The following BRDT variants were observed in gnomAD, a reference collection of about 807,000 sequenced individuals.
BRDT encodes the protein bromodomain testis-specific protein.
In BRDT, 77 loss-of-function variants were observed where a neutral mutation model predicts 113.9. The ratio of observed to expected loss-of-function variants is 0.68; its 90% CI spans 0.56 to 0.82. The LOEUF is 0.82. Ranked by LOEUF, BRDT falls within the 40% of genes least tolerant of loss-of-function variation. The pLI is 0.00. For synonymous variants in BRDT, 358 were observed against 366.5 expected, an observed-to-expected ratio of 0.98 and a Z score of 0.26; for missense variants, 1,027 against 1,105.4, an observed-to-expected ratio of 0.93 and a Z score of 1.01.
At chr1:91,985,927 C>T (rs999372804) in intron 12 of BRDT, among the ~76,000 whole-genome samples, 3 of 152,150 alleles carry the variant, frequency 2.0e-5, no homozygotes, top group Non-Finnish European at 2.9e-5. Context: ...CGTGAGCCAC[C>T]GCGCCCGGCC....
chr1:91,985,663 G>A (rs1351846141), intron 12 of BRDT, among the ~76,000 whole-genome samples: 1 of 101,798 alleles, frequency 9.8e-6, no homozygotes, highest in Non-Finnish European at 1.9e-5. Context: ...TTTTTGAGAC[G>A]GAGTCTGCTC....
chr1:92,007,248 G>GT (rs1444680904), intron 18 of BRDT, among the ~76,000 whole-genome samples: 1 of 149,566 alleles, frequency 6.7e-6, no homozygotes, highest in Non-Finnish European at 1.5e-5. Flanking sequence ...GTTAACTTTT[G>GT]TTTTAGGTTC....
At chr1:91,952,626 G>A (rs1681221743) in intron 1 of BRDT, among the ~76,000 whole-genome samples, 2 of 152,022 alleles carry the variant, frequency 1.3e-5, no homozygotes, top group Non-Finnish European at 2.9e-5. Flanking sequence ...AGAAAAGATG[G>A]ACCAGGCCAT....
chr1:91,981,301 A>G lies in BRDT; in HGVS notation c.1784A>G (p.His595Arg). 6.2e-7 allele frequency: 1 copy of G among 1,614,168 alleles called. No individual in the cohort carries two copies. The highest frequency in any genetic ancestry group is 8.5e-7 in the Non-Finnish European group (1 of 1,180,010). The change falls in exon 11 of 19, where the codon CAC (histidine) becomes CGC (arginine). Residue 595 changes from histidine to arginine, a missense_variant. Transcript: ENST00000399546. ...ATAATGATGTCCAAAGAAGAACTTC[A>G]CTCACAGAAAAAACAGGAATTGGAA... is the stretch of plus-strand genomic sequence containing the variant. Reference protein sequence around the residue: ...KKIMMSKEELHSQKKQELEKR... With the variant: ...KKIMMSKEELRSQKKQELEKR...
intron 12 of BRDT, among the ~76,000 whole-genome samples, chr1:91,989,183 T>C (rs1685550785): frequency 8.1e-6 from 1 of 122,870 alleles, no homozygotes; most frequent in African/African-American, 3.4e-5. Flanking sequence ...TTTTTTTTAG[T>C]AGAACACCAA....
chr1:91,974,344 A>C (rs1191453441), intron 4 of BRDT, among the ~76,000 whole-genome samples: 1 of 152,264 alleles, frequency 6.6e-6, no homozygotes, highest in Non-Finnish European at 1.5e-5. Context: ...CAGAGTGAAC[A>C]GGCAACCTAC....
intron 10 of BRDT, 29 bp downstream of exon 10, chr1:91,981,207 C>T (rs376484719): frequency 1.5e-5 from 24 of 1,606,502 alleles, no homozygotes; most frequent in African/African-American, 6.7e-5. Context: ...TAATAGAAAT[C>T]GGTTTGGTAT....
intron 11 of BRDT, 86 bp from the exon 12 acceptor site, chr1:91,981,532 C>A: frequency 6.4e-7 from 1 of 1,571,538 alleles, no homozygotes; most frequent in Non-Finnish European, 8.7e-7. Flanking sequence ...GCATGCGCGA[C>A]CATGCCCAGC....
chr1:91,990,398 T>C (rs933755391), intron 12 of BRDT, among the ~76,000 whole-genome samples: 3 of 152,252 alleles, frequency 2.0e-5, no homozygotes, highest in South Asian at 2.1e-4. Flanking sequence ...AATAAAAGAC[T>C]GTATCCTCTC....
In BRDT at chr1:91,964,903, GTA is replaced by G. The variant is rs1553185861; in HGVS notation, c.330+144_330+145del. On this transcript the variant is annotated intron_variant, in intron 3 of 18. Transcript: ENST00000399546. ...CGTGTGTGTGTGTGTGTGTGTGTGT[GTA>G]TATAATTTTTTTTTTTTTTTTTGAG... is the stretch of plus-strand genomic sequence containing the variant. 1.2e-3 allele frequency: 376 copies of G among 302,312 alleles called. 1 individual carries two copies. The highest frequency in any genetic ancestry group is 1.9e-3 in the South Asian group (13 of 6,988). The allele number at this position is 302,312 out of a possible 1,614,324, so 18.7% of individuals were successfully genotyped here. A position where few individuals can be genotyped will look rare whatever the true frequency, so the allele number is the denominator to read the frequency against.
intron 1 of BRDT, among the ~76,000 whole-genome samples, chr1:91,960,820 C>T (rs1025448425): frequency 2.0e-5 from 3 of 152,150 alleles, no homozygotes; most frequent in Non-Finnish European, 4.4e-5. Context: ...CAACTTATTT[C>T]ATTTTCATTT....
intron 18 of BRDT, among the ~76,000 whole-genome samples, chr1:92,008,943 CAT>C (rs1487044609): frequency 6.6e-6 from 1 of 152,154 alleles, no homozygotes; most frequent in Non-Finnish European, 1.5e-5. Flanking sequence ...ATCAAACTAA[CAT>C]GTATCACCTC....
At chr1:91,976,575 T>C in intron 5 of BRDT, 137 bp downstream of exon 5, 1 of 837,538 alleles carries the variant, frequency 1.2e-6, no homozygotes, top group Non-Finnish European at 1.7e-6. Context: ...GAAATAATAC[T>C]GTTTCCGCCT....
intron 12 of BRDT, among the ~76,000 whole-genome samples, chr1:91,990,601 A>G (rs981552944): frequency 6.6e-6 from 1 of 152,204 alleles, no homozygotes; most frequent in African/African-American, 2.4e-5. Context: ...GTTATGTAAC[A>G]TACTGCGCTT....
At chr1:91,968,038 C>T (rs7541712) in intron 3 of BRDT, 108 bp from the exon 4 acceptor site, 82,121 of 1,004,402 alleles carry the variant, frequency 0.082, 6,016 homozygotes, top group East Asian at 0.41. Flanking sequence ...AGATGAATAC[C>T]GTCTAGGAGT....
chr1:91,969,115 T>G (rs1335373201), intron 4 of BRDT, among the ~76,000 whole-genome samples: 1 of 151,872 alleles, frequency 6.6e-6, no homozygotes, highest in Non-Finnish European at 1.5e-5. Context: ...TTTTTGTATT[T>G]TTTTTTAGTA....
At chr1:91,994,346 A>G (rs1186820585) in intron 15 of BRDT, 92 bp downstream of exon 15, 1 of 1,050,434 alleles carries the variant, frequency 9.5e-7, no homozygotes, top group African/African-American at 1.6e-5. Flanking sequence ...TAAATGTTAA[A>G]TATCTGGGAA....
At chr1:91,985,880 C>T (rs1381025037) in intron 12 of BRDT, among the ~76,000 whole-genome samples, 2 of 150,468 alleles carry the variant, frequency 1.3e-5, no homozygotes, top group African/African-American at 2.4e-5. Flanking sequence ...CCTCGTGATC[C>T]GCCCGCCTCG....
intron 15 of BRDT, among the ~76,000 whole-genome samples, chr1:92,000,036 C>T (rs1338411863): frequency 6.6e-6 from 1 of 152,158 alleles, no homozygotes; most frequent in Non-Finnish European, 1.5e-5. Context: ...CCACCATGCC[C>T]AGCTAAGTTG....
Sources: gnomAD v4.1 joint callset for allele counts (sites outside exome capture counted in the v4.1 genomes callset) on GRCh38, gnomAD v4.1.1 for gene constraint, MANE v1.5 for transcripts, NCBI Gene and HGNC (gene_info 2026-07-23, HGNC 2026-07-21) for gene names.